Variants in ANXA7 observed in about 807,000 individuals in gnomAD.
ANXA7 encodes annexin A7, also known as annexin VII.
In ANXA7, 55 loss-of-function variants were observed where a neutral mutation model predicts 64.9. The observed-to-expected ratio is 0.85, with a 90% CI of 0.68 to 1.06. The LOEUF (loss-of-function observed/expected upper bound fraction) is 1.06, where lower values mean the gene tolerates loss of function less well. Among genes scored for constraint, ANXA7 ranks in the 50% least tolerant of loss-of-function variants. ANXA7 has a pLI of 0.00. For synonymous variants in ANXA7, 200 were observed against 192.4 expected (o/e 1.04, Z -0.33); for missense variants, 548 against 582.1 (o/e 0.94, Z 0.60).
chr10:73,377,773 G>GGGGTGTGGGGGTGTGTGT (rs1554815379), intron 12 of ANXA7, among the ~76,000 whole-genome samples: 1 of 124,822 alleles, frequency 8.0e-6, no homozygotes, highest in Admixed American at 7.8e-5. Flanking sequence ...GGTGGGTGTG[G>GGGGTGTGGGGGTGTGTGT]GTGTGTGTGT....
intron 1 of ANXA7, among the ~76,000 whole-genome samples, chr10:73,412,025 A>T (rs1056640839): frequency 2.0e-5 from 3 of 152,084 alleles, no homozygotes; most frequent in Non-Finnish European, 4.4e-5. Context: ...CACAATGGAG[A>T]AGACTATTTA....
chr10:73,381,442 T>A (rs1309795073), intron 9 of ANXA7: 1 of 152,168 alleles, frequency 6.6e-6, no homozygotes, highest in Non-Finnish European at 1.5e-5. Context: ...GGCTGCCTTT[T>A]AGAGTCTCAG....
intron 6 of ANXA7, among the ~76,000 whole-genome samples, 172 bp downstream of exon 6, chr10:73,388,140 C>A (rs766471565): frequency 3.8e-4 from 58 of 152,106 alleles, no homozygotes; most frequent in Non-Finnish European, 7.9e-4. Flanking sequence ...AGCCACCACA[C>A]CCAGCCTGAG....
intron 9 of ANXA7, 28 bp downstream of exon 9, chr10:73,383,147 A>T: frequency 6.4e-7 from 1 of 1,561,716 alleles, no homozygotes; most frequent in Non-Finnish European, 8.7e-7. Flanking sequence ...TCCCTCTATC[A>T]ACGCACAAGC....
rs754473893 is a variant in ANXA7, at chr10:73,387,678, G to GA, written c.633+10dup. On this transcript the variant is annotated intron_variant, in intron 7 of 12. Coordinates refer to ENST00000372921, the MANE Select transcript of ANXA7 (RefSeq NM_001156.5). ...CACTGCTGGTGCTCATTCCAGGAAA[G>GA]AAAAACATACCTTGCCATAGGAGGT... 3 of 1,609,236 alleles carry GA rather than the reference G, an allele frequency of 1.9e-6. No individual in the cohort carries two copies. The South Asian group carries it at 3.3e-5, about 18-fold the overall frequency.
chr10:73,400,908 T>C (rs954063156), intron 1 of ANXA7, 51 bp from the exon 2 acceptor site: 2 of 1,503,024 alleles, frequency 1.3e-6, no homozygotes, highest in African/African-American at 1.4e-5. Flanking sequence ...TGTTTTGTTT[T>C]GTTTTGTTTT....
intron 11 of ANXA7, 85 bp from the exon 12 acceptor site, chr10:73,379,108 C>T: frequency 1.1e-6 from 1 of 870,300 alleles, no homozygotes; most frequent in East Asian, 2.8e-5. Context: ...TTATAGCCTG[C>T]CTTTGATTAT....
rs762429938 is a variant in ANXA7 at position 73,376,239 on chromosome 10, T to C, written c.1279-22A>G. The C allele has an allele frequency of 3.9e-6, 6 of 1,541,722 alleles. No individual in the cohort carries two copies. The South Asian group carries it at 7.8e-5, about 20-fold the overall frequency. On this transcript the variant is annotated intron_variant, in intron 12 of 12. Transcript: ENST00000372921. Reference sequence around the variant, plus strand: ...CAATCTGCATAAGAAATAATATTTCTGTCAGAAAAACATCTGTGACAACTG... The same window carrying C: ...CAATCTGCATAAGAAATAATATTTCCGTCAGAAAAACATCTGTGACAACTG...
At chr10:73,403,972 A>T (rs914051350) in intron 1 of ANXA7, among the ~76,000 whole-genome samples, 1 of 152,264 alleles carries the variant, frequency 6.6e-6, no homozygotes, top group Non-Finnish European at 1.5e-5. Flanking sequence ...CAGTGCCTGC[A>T]ATAAAGTAAG....
At chr10:73,377,596 A>C (rs1363763951) in intron 12 of ANXA7, 9 of 150,376 alleles carry the variant, frequency 6.0e-5, no homozygotes, top group Admixed American at 2.7e-4. Flanking sequence ...AAAAAAAAAA[A>C]AACACGCAAT....
chr10:73,388,516 A>T, intron 5 of ANXA7, 102 bp from the exon 6 acceptor site: 1 of 879,872 alleles, frequency 1.1e-6, no homozygotes, highest in Non-Finnish European at 1.8e-6. Flanking sequence ...AAGAAGGCCA[A>T]TGTTTGGGTT....
At chr10:73,408,044 C>T (rs1044355122) in intron 1 of ANXA7, among the ~76,000 whole-genome samples, 3 of 152,040 alleles carry the variant, frequency 2.0e-5, no homozygotes, top group East Asian at 1.9e-4. Context: ...ATAGGCCAGG[C>T]GCAGTGGCTC....
chr10:73,384,732 TA>T (rs577190780), intron 7 of ANXA7, among the ~76,000 whole-genome samples: 6 of 148,766 alleles, frequency 4.0e-5, no homozygotes, highest in Admixed American at 6.7e-5. Context: ...GATACACATC[TA>T]AAAAAAAAAT....
chr10:73,380,253 A>AT (rs562154390), intron 9 of ANXA7, 52 bp from the exon 10 acceptor site: 1,412 of 1,487,620 alleles, frequency 9.5e-4, no homozygotes, highest in South Asian at 1.0e-3. Context: ...GTTCTACTAA[A>AT]TTTTTTTTTT....
Position 73,383,335 on chromosome 10 carries a change from G to A in ANXA7, c.758C>T (p.Thr253Ile), listed in dbSNP as rs764500595. Residue 253 changes from threonine (T) to isoleucine (I), a missense_variant, in exon 9 of 13, where the codon ACT becomes ATT. By Grantham distance (89) the Thr-to-Ile change is moderately conservative (BLOSUM62 -1). Coordinates refer to ENST00000372921, the MANE Select transcript of ANXA7 (RefSeq NM_001156.5). ...AATCTCAATCAATACACGTTCCTGA[G>A]TTCCTGCTCCCTACATGAAATGAAG... ...SLRKAMQGAGTQERVLIEILC... is the reference protein window; with the variant it reads ...SLRKAMQGAGIQERVLIEILC... The A allele has an allele frequency of 2.5e-6, 4 of 1,611,052 alleles. No homozygotes were observed. In the South Asian group the frequency reaches 3.3e-5, roughly 13 times the overall value.
chr10:73,379,030 G>A lies in ANXA7; in HGVS notation c.1166-7C>T, dbSNP rs2055231369. 1.3e-6 allele frequency: 2 copies of A among 1,582,734 alleles called. No homozygotes were observed. The highest frequency in any genetic ancestry group is 2.3e-5 in the East Asian group (1 of 44,430). On this transcript the variant is annotated splice_polypyrimidine_tract_variant and splice_region_variant and intron_variant, in intron 11 of 12. Coordinates refer to ENST00000372921, the MANE Select transcript of ANXA7 (RefSeq NM_001156.5). ...CGGTTCAGGGCACACTGCACTGCAA[G>A]TTAGAGATGGTTGAGACATGGAATC...
At chr10:73,395,971 G>T in intron 5 of ANXA7, 1 of 932,244 alleles carries the variant, frequency 1.1e-6, no homozygotes, top group Non-Finnish European at 1.8e-6. Context: ...TGAGAGACAA[G>T]TACATGAGAA....
At chr10:73,402,514 G>T (rs2055683150) in intron 1 of ANXA7, among the ~76,000 whole-genome samples, 1 of 152,126 alleles carries the variant, frequency 6.6e-6, no homozygotes, top group Admixed American at 6.6e-5. Context: ...ACGACATTTT[G>T]AAAATAATTC....
chr10:73,401,129 C>G (rs532457258), intron 1 of ANXA7, among the ~76,000 whole-genome samples: 1 of 152,144 alleles, frequency 6.6e-6, no homozygotes, highest in South Asian at 2.1e-4. Context: ...TTGTCTCAAT[C>G]TCTTAACCTG....
Sources: gnomAD v4.1 joint callset for allele counts (sites outside exome capture counted in the v4.1 genomes callset) on GRCh38, gnomAD v4.1.1 for gene constraint, MANE v1.5 for transcripts, NCBI Gene and HGNC (gene_info 2026-07-23, HGNC 2026-07-21) for gene names.